Variants in CALN1 observed in about 807,000 individuals in gnomAD.
The protein encoded by CALN1 is calcium-binding protein 8.
In CALN1, 17 loss-of-function variants were observed where a neutral mutation model predicts 30.6. The ratio of observed to expected loss-of-function variants is 0.56; its 90% confidence interval spans 0.38 to 0.83. The LOEUF (loss-of-function observed/expected upper bound fraction) is 0.83, where lower values mean the gene tolerates loss of function less well. Among genes scored for constraint, CALN1 ranks in the 40% least tolerant of loss-of-function variants. CALN1 has a pLI of 0.00. For missense variants in CALN1, 291 were observed against 354.9 expected (o/e 0.82, Z 1.45); for synonymous variants, 156 against 131.4 (o/e 1.19, Z -1.28).
chr7:71,918,179 G>C (rs1794773999), intron 5 of CALN1, among the ~76,000 whole-genome samples: 1 of 152,162 alleles, frequency 6.6e-6, no homozygotes, highest in African/African-American at 2.4e-5. Context: ...CCATTCTTAG[G>C]AACATTAAAA....
intron 3 of CALN1, among the ~76,000 whole-genome samples, chr7:72,129,937 G>A (rs1466024509): frequency 6.6e-6 from 1 of 152,172 alleles, no homozygotes; most frequent in African/African-American, 2.4e-5. Context: ...CCTGGTGGGA[G>A]GGGTCTCGGT....
At chr7:72,203,449 CT>C (rs1410429655) in intron 3 of CALN1, among the ~76,000 whole-genome samples, 42 of 152,290 alleles carry the variant, frequency 2.8e-4, no homozygotes, top group African/African-American at 1.0e-3. Context: ...AGTTCCCAAA[CT>C]CCGGCAGGTT....
chr7:72,327,654 C>T (rs1801373536), intron 2 of CALN1, among the ~76,000 whole-genome samples: 1 of 152,112 alleles, frequency 6.6e-6, no homozygotes, highest in Admixed American at 6.5e-5. Flanking sequence ...AAAAAGTGCA[C>T]GCGATTTGTA....
At chr7:72,365,727 G>A (rs1416174689) in intron 2 of CALN1, among the ~76,000 whole-genome samples, 1 of 152,124 alleles carries the variant, frequency 6.6e-6, no homozygotes, top group African/African-American at 2.4e-5. Flanking sequence ...AACTATGCCT[G>A]ACCTAAAAGG....
intron 3 of CALN1, among the ~76,000 whole-genome samples, chr7:72,108,414 C>T (rs1412633420): frequency 6.6e-6 from 1 of 152,234 alleles, no homozygotes. Context: ...TACACTATTG[C>T]ATCCAGTGCT....
intron 2 of CALN1, among the ~76,000 whole-genome samples, chr7:72,354,906 CTTTTT>C (rs200557517): frequency 2.1e-5 from 3 of 140,342 alleles, no homozygotes; most frequent in Non-Finnish European, 4.7e-5. Flanking sequence ...TTTTTCTTTT[CTTTTT>C]TTTTTTAATT....
intron 2 of CALN1, among the ~76,000 whole-genome samples, chr7:72,350,633 T>C (rs1467647869): frequency 3.3e-5 from 5 of 151,952 alleles, no homozygotes; most frequent in African/African-American, 1.2e-4. Flanking sequence ...TATTTGAGGG[T>C]GGAGCAGGAG....
intron 2 of CALN1, among the ~76,000 whole-genome samples, chr7:72,400,180 AT>A (rs1171291935): frequency 6.6e-6 from 1 of 152,074 alleles, no homozygotes; most frequent in East Asian, 1.9e-4. Flanking sequence ...TTCTCTAGTC[AT>A]TCCCCCTCCC....
intron 4 of CALN1, among the ~76,000 whole-genome samples, chr7:72,072,011 C>A (rs1804429078): frequency 6.6e-6 from 1 of 151,980 alleles, no homozygotes; most frequent in Non-Finnish European, 1.5e-5. Flanking sequence ...TGAAGAAAAG[C>A]AAACAGAACA....
intron 4 of CALN1, among the ~76,000 whole-genome samples, chr7:72,042,743 T>C (rs1802209195): frequency 6.6e-6 from 1 of 152,030 alleles, no homozygotes; most frequent in South Asian, 2.1e-4. Context: ...CACTTAAAAA[T>C]AAATAAATAA....
chr7:72,500,891 A>C, the CALN1 span, among the ~76,000 whole-genome samples: 1 of 152,172 alleles, frequency 6.6e-6, no homozygotes, highest in African/African-American at 2.4e-5. Flanking sequence ...TGAATAATGT[A>C]TAAGAATGTT....
chr7:72,413,489 C>T (rs1807309025), upstream of CALN1, among the ~76,000 whole-genome samples: 1 of 151,886 alleles, frequency 6.6e-6, no homozygotes, highest in African/African-American at 2.4e-5. Flanking sequence ...CACATGCTCA[C>T]ATAAGGACAC....
intron 2 of CALN1, among the ~76,000 whole-genome samples, chr7:72,363,724 CTTTTTTTT>C (rs66989275): frequency 1.8e-5 from 2 of 111,862 alleles, no homozygotes; most frequent in Non-Finnish European, 3.5e-5. Context: ...TTAAAAAAAA[CTTTTTTTT>C]TTTTTTTTTT....
intron 3 of CALN1, among the ~76,000 whole-genome samples, chr7:72,261,173 TGG>T (rs2129552786): frequency 1.3e-5 from 2 of 152,254 alleles, no homozygotes; most frequent in East Asian, 3.9e-4. Flanking sequence ...CCAGGTGTGG[TGG>T]CACGCACCTG....
At chr7:72,499,886 T>C in the CALN1 span, among the ~76,000 whole-genome samples, 1 of 73,544 alleles carries the variant, frequency 1.4e-5, no homozygotes, top group South Asian at 4.1e-4. Flanking sequence ...TCTTTCTTTC[T>C]TTCTTTCTTT....
At chr7:72,484,159 T>C in the CALN1 span, among the ~76,000 whole-genome samples, 2 of 152,234 alleles carry the variant, frequency 1.3e-5, no homozygotes, top group Admixed American at 6.5e-5. Flanking sequence ...TTATGGGTCA[T>C]ATTTTTCTGC....
rs538784611 is a variant in CALN1 at position 71,879,301 on chromosome 7, G to A, written c.502-68809C>T. On this transcript the variant is annotated intron_variant, in intron 5 of 6. Coordinates refer to ENST00000395275, the MANE Select transcript of CALN1 (RefSeq NM_031468.4). ...TCTGAGTAGGGAACTCCAGATTTTG[G>A]GGGCTACTAACAGCTGCAGAGTTTC... 4.3e-4 allele frequency among the ~76,000 whole-genome samples: 65 copies of A among 152,210 alleles called. No homozygotes were observed. In the Middle Eastern group the frequency reaches 0.014, roughly 32 times the overall value.
At chr7:72,299,687 A>G (rs953274100) in intron 2 of CALN1, among the ~76,000 whole-genome samples, 1 of 127,440 alleles carries the variant, frequency 7.8e-6, no homozygotes, top group Non-Finnish European at 1.6e-5. Context: ...AGATGCTCTT[A>G]TCTTTTTTTT....
At chr7:72,301,725 C>T (rs889424571) in intron 2 of CALN1, among the ~76,000 whole-genome samples, 1 of 152,102 alleles carries the variant, frequency 6.6e-6, no homozygotes, top group Non-Finnish European at 1.5e-5. Flanking sequence ...CTGTTCACCC[C>T]TTCCCAGTCT....
Sources: allele counts gnomAD v4.1 joint callset (sites outside exome capture counted in the v4.1 genomes callset), GRCh38; gene constraint gnomAD v4.1.1; transcripts MANE v1.5; gene names NCBI Gene and HGNC (gene_info 2026-07-23, HGNC 2026-07-21).